SLC9A9: variants seen among roughly 807,000 people sequenced by gnomAD.
The protein encoded by SLC9A9 is sodium/hydrogen exchanger 9.
A neutral mutation model predicts 77.8 loss-of-function variants in SLC9A9; 62 were observed. The observed-to-expected ratio is 0.80, with a 90% confidence interval of 0.65 to 0.98. The LOEUF is 0.98. Ranked by LOEUF, SLC9A9 falls within the 50% of genes least tolerant of loss-of-function variation. The pLI is 0.00. For missense variants in SLC9A9, 775 were observed against 774.9 expected, an observed-to-expected ratio of 1.00 and a Z score of 0.00; for synonymous variants, 320 against 283.5, an observed-to-expected ratio of 1.13 and a Z score of -1.29.
At chr3:143,664,366 T>C (rs1270765) in intron 5 of SLC9A9, among the ~76,000 whole-genome samples, 4,702 of 152,278 alleles carry the variant, frequency 0.031, 107 homozygotes, top group Middle Eastern at 0.088. Context: ...TACCAGCCAC[T>C]GCAAAAACAT....
intron 8 of SLC9A9, 24 bp downstream of exon 8, chr3:143,574,064 G>A (rs780038943): frequency 2.5e-6 from 4 of 1,594,350 alleles, no homozygotes; most frequent in Non-Finnish European, 2.6e-6. Flanking sequence ...ACATCCAGTT[G>A]GCTGTGCAGC....
intron 2 of SLC9A9, among the ~76,000 whole-genome samples, chr3:143,815,211 C>T (rs1269371700): frequency 6.6e-6 from 1 of 152,158 alleles, no homozygotes; most frequent in Non-Finnish European, 1.5e-5. Context: ...ACATTCAAAT[C>T]TGTGGACTGG....
At chr3:143,642,641 C>A (rs2038641892) in intron 6 of SLC9A9, among the ~76,000 whole-genome samples, 1 of 152,188 alleles carries the variant, frequency 6.6e-6, no homozygotes, top group Non-Finnish European at 1.5e-5. Flanking sequence ...AATATTGCCA[C>A]AATTCAATTC....
At chr3:143,553,213 G>T (rs1195111694) in intron 8 of SLC9A9, among the ~76,000 whole-genome samples, 1 of 152,172 alleles carries the variant, frequency 6.6e-6, no homozygotes, top group African/African-American at 2.4e-5. Flanking sequence ...ACATACACTA[G>T]ATGCTTTCTG....
intron 6 of SLC9A9, among the ~76,000 whole-genome samples, chr3:143,629,403 A>G (rs115134572): frequency 0.02 from 3,055 of 152,314 alleles, 34 homozygotes; most frequent in Middle Eastern, 0.034. Context: ...TAAACAAAAT[A>G]TAATTACAAA....
chr3:143,532,253 C>T (rs1052735666), intron 9 of SLC9A9, among the ~76,000 whole-genome samples: 1 of 152,144 alleles, frequency 6.6e-6, no homozygotes, highest in Non-Finnish European at 1.5e-5. Context: ...AAGCTGATTC[C>T]ATGATGTAAA....
At chr3:143,479,710 G>A (rs1409087410) in intron 11 of SLC9A9, among the ~76,000 whole-genome samples, 1 of 152,062 alleles carries the variant, frequency 6.6e-6, no homozygotes, top group Non-Finnish European at 1.5e-5. Flanking sequence ...TCCTTAAATG[G>A]AGAGAGGAGA....
chr3:143,795,026 T>G lies in SLC9A9; in HGVS notation c.508A>C (p.Thr170Pro), dbSNP rs1317301996. ...CCTATGACGATGCAGGAGATGGCAG[T>G]TCCCAAGAAGGCATACGTTAAAATA... is the stretch of plus-strand genomic sequence containing the variant. ...GSILTYAFLG[T>P]AISCIVIGLI... The change falls in exon 4 of 16, where the codon ACT (threonine) becomes CCT (proline). Residue 170 changes from threonine to proline, a missense_variant. By Grantham distance (38) the Thr-to-Pro change is conservative. Transcript: ENST00000316549. 6.2e-7 allele frequency: 1 copy of G among 1,613,746 alleles called. No homozygotes were observed. The highest frequency in any genetic ancestry group is 8.5e-7 in the Non-Finnish European group (1 of 1,179,936).
chr3:143,609,763 T>C (rs1399034268), intron 6 of SLC9A9, among the ~76,000 whole-genome samples: 2 of 152,224 alleles, frequency 1.3e-5, no homozygotes, highest in Non-Finnish European at 2.9e-5. Context: ...ATATATTAGA[T>C]ATCTTTCCAC....
At chr3:143,529,064 G>C (rs546820163) in intron 9 of SLC9A9, among the ~76,000 whole-genome samples, 1 of 152,202 alleles carries the variant, frequency 6.6e-6, no homozygotes, top group Non-Finnish European at 1.5e-5. Context: ...AGGAGACAGA[G>C]CTGCAGATGA....
At chr3:143,798,448 T>G (rs975880813) in intron 2 of SLC9A9, among the ~76,000 whole-genome samples, 3 of 152,064 alleles carry the variant, frequency 2.0e-5, no homozygotes, top group African/African-American at 7.2e-5. Flanking sequence ...CCAGAGCTGC[T>G]CCCCACACCC....
At chr3:143,758,149 A>C (rs1294194327) in intron 4 of SLC9A9, among the ~76,000 whole-genome samples, 3 of 152,200 alleles carry the variant, frequency 2.0e-5, no homozygotes, top group African/African-American at 7.2e-5. Flanking sequence ...TCAGTTCTAC[A>C]TAATGAGGCC....
At chr3:143,503,999 T>G in intron 9 of SLC9A9, 1 of 441,442 alleles carries the variant, frequency 2.3e-6, no homozygotes, top group Non-Finnish European at 4.4e-6. Flanking sequence ...ACATAATCAG[T>G]GCCAGCATCG....
At chr3:143,521,669 A>G (rs192303552) in intron 9 of SLC9A9, among the ~76,000 whole-genome samples, 1 of 152,072 alleles carries the variant, frequency 6.6e-6, no homozygotes, top group Admixed American at 6.5e-5. Flanking sequence ...TCCTCTGTGT[A>G]GAAAGTTATA....
intron 5 of SLC9A9, among the ~76,000 whole-genome samples, chr3:143,680,597 TTGC>T (rs1933055956): frequency 6.6e-6 from 1 of 152,162 alleles, no homozygotes; most frequent in South Asian, 2.1e-4. Context: ...TTCTAGAAAC[TTGC>T]TGCTAAATTT....
At chr3:143,520,677 G>A (rs911856422) in intron 9 of SLC9A9, among the ~76,000 whole-genome samples, 1 of 152,152 alleles carries the variant, frequency 6.6e-6, no homozygotes, top group African/African-American at 2.4e-5. Flanking sequence ...GCCCAAAGAG[G>A]TGCAGTGACT....
chr3:143,643,901 G>C (rs1479493269), intron 6 of SLC9A9, among the ~76,000 whole-genome samples: 3 of 149,402 alleles, frequency 2.0e-5, no homozygotes, highest in Non-Finnish European at 4.5e-5. Flanking sequence ...GTGATCTTCT[G>C]ATACAAGCAG....
At chr3:143,322,655 C>T (rs1486487780) in intron 14 of SLC9A9, among the ~76,000 whole-genome samples, 1 of 152,190 alleles carries the variant, frequency 6.6e-6, no homozygotes, top group Non-Finnish European at 1.5e-5. Context: ...AGTTCTTCCT[C>T]AGTGGTTCTT....
At chr3:143,269,096 T>A in intron 14 of SLC9A9, 116 bp from the exon 15 acceptor site, 1 of 768,892 alleles carries the variant, frequency 1.3e-6, no homozygotes, top group Non-Finnish European at 2.3e-6. Context: ...CCCTACTCCC[T>A]CACTTAGGAA....
Sources: allele counts gnomAD v4.1 joint callset (sites outside exome capture counted in the v4.1 genomes callset), GRCh38; gene constraint gnomAD v4.1.1; transcripts MANE v1.5; gene names NCBI Gene and HGNC (gene_info 2026-07-23, HGNC 2026-07-21).